Variants in PARD3B observed in about 807,000 individuals in gnomAD.
PARD3B encodes the protein par-3 family cell polarity regulator beta, also known as partitioning defective 3 homolog B.
Under a neutral mutation model 130.2 loss-of-function variants are expected in PARD3B, and 103 were observed. The ratio of observed to expected loss-of-function variants is 0.79; its 90% confidence interval spans 0.67 to 0.93. The LOEUF is 0.93. Among genes scored for constraint, PARD3B ranks in the 40% least tolerant of loss-of-function variants. PARD3B has a pLI of 0.00. For missense variants in PARD3B, 1,609 were observed against 1,499.2 expected, an observed-to-expected ratio of 1.07 and a Z score of -1.21; for synonymous variants, 583 against 553.2, an observed-to-expected ratio of 1.05 and a Z score of -0.76.
intron 1 of PARD3B, among the ~76,000 whole-genome samples, chr2:204,681,107 G>A (rs975402444): frequency 4.6e-5 from 7 of 151,888 alleles, no homozygotes; most frequent in African/African-American, 1.7e-4. Context: ...TATATTATTG[G>A]GTACGTACAC....
chr2:204,772,813 C>G (rs373407469), intron 2 of PARD3B, among the ~76,000 whole-genome samples: 1 of 151,680 alleles, frequency 6.6e-6, no homozygotes, highest in South Asian at 2.1e-4. Flanking sequence ...TAAAACAACA[C>G]GTGTTACAGC....
At chr2:204,954,630 T>A (rs1200424335) in intron 2 of PARD3B, among the ~76,000 whole-genome samples, 1 of 152,134 alleles carries the variant, frequency 6.6e-6, no homozygotes, top group East Asian at 1.9e-4. Flanking sequence ...GCCTGGAATA[T>A]GAGGCCACCC....
intron 4 of PARD3B, among the ~76,000 whole-genome samples, chr2:205,085,024 A>G (rs1458558194): frequency 6.6e-6 from 1 of 151,994 alleles, no homozygotes; most frequent in African/African-American, 2.4e-5. Context: ...TTTAGTCTGT[A>G]GTAGCTGGCA....
chr2:205,040,782 T>C (rs2125395016), intron 3 of PARD3B, among the ~76,000 whole-genome samples: 1 of 152,320 alleles, frequency 6.6e-6, no homozygotes, highest in African/African-American at 2.4e-5. Context: ...TATCTTGTTA[T>C]CCTAAGTGTC....
intron 2 of PARD3B, among the ~76,000 whole-genome samples, chr2:204,839,077 C>T (rs751600086): frequency 1.3e-5 from 2 of 152,134 alleles, no homozygotes; most frequent in Non-Finnish European, 2.9e-5. Flanking sequence ...TTTATCTCTG[C>T]TGGGCTCCAT....
chr2:205,301,313 C>T lies in PARD3B; in HGVS notation c.2393-151C>T. On this transcript the variant is annotated intron_variant, in intron 17 of 22. Coordinates refer to ENST00000406610, the MANE Select transcript of PARD3B (RefSeq NM_001302769.2). This position sits in a 1 kb window ranked among gnomAD's most constrained non-coding sequence, Gnocchi z 5.2. ...CTCGAAGTAACCAGATTTAGGCAGTCAGATCTTCAAAGGGCGCACGTAACC... is the reference window on the plus strand; with the variant it reads ...CTCGAAGTAACCAGATTTAGGCAGTTAGATCTTCAAAGGGCGCACGTAACC... The T allele has an allele frequency of 3.0e-6, 4 of 1,342,956 alleles. No homozygotes were observed. The highest frequency in any genetic ancestry group is 4.0e-6 in the Non-Finnish European group (4 of 1,000,520). 83.2% of individuals were successfully genotyped at this position (1,342,956 alleles called of 1,614,324 possible).
Position 205,344,864 on chromosome 2 carries a change from A to G in PARD3B, c.2630+43163A>G, listed in dbSNP as rs147632910. ...AAAGAAAATGTTCTGAATTCTGGAAATATATTCTAAAAGCTCACGTCTGAA... is the reference window on the plus strand; with the variant it reads ...AAAGAAAATGTTCTGAATTCTGGAAGTATATTCTAAAAGCTCACGTCTGAA... On this transcript the variant is annotated intron_variant, in intron 18 of 22. Coordinates refer to ENST00000406610, the MANE Select transcript of PARD3B (RefSeq NM_001302769.2). Among the ~76,000 whole-genome samples, 18 of 152,334 alleles carry G rather than the reference A, an allele frequency of 1.2e-4. No homozygotes were observed. The East Asian group carries it at 3.5e-3, about 29-fold the overall frequency.
intron 2 of PARD3B, among the ~76,000 whole-genome samples, chr2:204,947,263 T>C (rs1689401210): frequency 6.6e-6 from 1 of 152,158 alleles, no homozygotes; most frequent in Admixed American, 6.5e-5. Flanking sequence ...TCATTTATTT[T>C]ACAAATGATA....
chr2:204,854,789 G>A (rs10198654), intron 2 of PARD3B, among the ~76,000 whole-genome samples: 39,428 of 152,072 alleles, frequency 0.26, 9,386 homozygotes, highest in African/African-American at 0.64. Context: ...TGAAGCAGCT[G>A]TGTTGTCTGG....
intron 22 of PARD3B, among the ~76,000 whole-genome samples, chr2:205,556,108 G>A (rs1376780504): frequency 1.3e-5 from 2 of 152,116 alleles, no homozygotes; most frequent in Non-Finnish European, 2.9e-5. Context: ...AGAGTGAGGC[G>A]AGCACATCTC....
At chr2:204,891,512 T>TC (rs1171773018) in intron 2 of PARD3B, among the ~76,000 whole-genome samples, 2 of 152,208 alleles carry the variant, frequency 1.3e-5, no homozygotes, top group African/African-American at 4.8e-5. Context: ...TGTATGGCAT[T>TC]CCTTTGCTTT....
At chr2:204,828,269 T>C (rs981863390) in intron 2 of PARD3B, among the ~76,000 whole-genome samples, 3 of 152,148 alleles carry the variant, frequency 2.0e-5, no homozygotes, top group African/African-American at 4.8e-5. Context: ...TTCATTTTCT[T>C]CCCTTTCCTT....
chr2:205,022,672 A>T (rs959791470), intron 3 of PARD3B, among the ~76,000 whole-genome samples: 1 of 152,204 alleles, frequency 6.6e-6, no homozygotes, highest in Non-Finnish European at 1.5e-5. Flanking sequence ...TTTTGCCTGC[A>T]GCTGATCTCA....
intron 21 of PARD3B, among the ~76,000 whole-genome samples, chr2:205,534,186 A>G (rs1017741546): frequency 6.6e-6 from 1 of 152,240 alleles, no homozygotes; most frequent in Non-Finnish European, 1.5e-5. Context: ...GCTAGGAAAG[A>G]AAACAAAGTC....
chr2:205,261,453 T>C lies in PARD3B; in HGVS notation c.2185+15631T>C, dbSNP rs369697805. 3.9e-5 allele frequency among the ~76,000 whole-genome samples: 6 copies of C among 152,162 alleles called. No individual in the cohort carries two copies. In the East Asian group the frequency reaches 1.2e-3, roughly 29 times the overall value. ...CTGAAGTCAAATAAACCATTGTGTTTAATGCAGATTAGAGCACACATGAAG... is the reference window on the plus strand; with the variant it reads ...CTGAAGTCAAATAAACCATTGTGTTCAATGCAGATTAGAGCACACATGAAG... On this transcript the variant is annotated intron_variant, in intron 16 of 22. Transcript: ENST00000406610.
At chr2:204,775,889 G>T (rs1016601795) in intron 2 of PARD3B, among the ~76,000 whole-genome samples, 1 of 152,114 alleles carries the variant, frequency 6.6e-6, no homozygotes, top group Non-Finnish European at 1.5e-5. Flanking sequence ...TTTCTGGCTT[G>T]CAGGTTTCTC....
chr2:204,698,671 T>C (rs895862715), intron 2 of PARD3B, among the ~76,000 whole-genome samples: 2 of 152,084 alleles, frequency 1.3e-5, no homozygotes, highest in Non-Finnish European at 2.9e-5. Flanking sequence ...GAGCCAATAT[T>C]CTAGTGACTG....
chr2:204,982,425 G>A (rs942522021), intron 3 of PARD3B, among the ~76,000 whole-genome samples: 2 of 152,192 alleles, frequency 1.3e-5, no homozygotes, highest in Non-Finnish European at 2.9e-5. Flanking sequence ...GAGCACAGCT[G>A]CAAAGTCTCC....
intron 2 of PARD3B, among the ~76,000 whole-genome samples, chr2:204,707,995 T>C (rs2160690): frequency 0.76 from 115,999 of 151,888 alleles, 45,234 homozygotes; most frequent in East Asian, 0.89. Flanking sequence ...ACTTCATCTC[T>C]TGGTCAGTAT....
Sources: gnomAD v4.1 joint callset for allele counts (sites outside exome capture counted in the v4.1 genomes callset) on GRCh38, gnomAD v4.1.1 for gene constraint, Gnocchi (gnomAD v3.1) non-coding constraint, MANE v1.5 for transcripts, NCBI Gene and HGNC (gene_info 2026-07-23, HGNC 2026-07-21) for gene names.